Variants in ADGRG7 observed in about 807,000 individuals in gnomAD.
ADGRG7 encodes the protein adhesion G protein-coupled receptor G7.
Under a neutral mutation model 88.6 loss-of-function variants are expected in ADGRG7, and 82 were observed. The observed-to-expected ratio is 0.93, with a 90% confidence interval of 0.77 to 1.11. The LOEUF (loss-of-function observed/expected upper bound fraction) is 1.11. ADGRG7 is among the 50% of genes most tolerant of loss of function. ADGRG7 has a pLI of 0.00. For synonymous variants in ADGRG7, 381 were observed against 345.2 expected (o/e 1.10, Z -1.15); for missense variants, 945 against 953.4 (o/e 0.99, Z 0.12).
In ADGRG7 at chr3:100,643,320, G is replaced by A; in HGVS notation, c.753G>A (p.Val251=). The A allele has an allele frequency of 1.1e-5, 17 of 1,613,930 alleles. No individual in the cohort carries two copies. The highest frequency in any genetic ancestry group is 1.4e-5 in the Non-Finnish European group (16 of 1,179,866). Reference sequence around the variant, plus strand: ...TGTCTTTGGGTAATCAATCAGTGGTGGAACCTAACATAGCAATACAGTCAG... The same window carrying A: ...TGTCTTTGGGTAATCAATCAGTGGTAGAACCTAACATAGCAATACAGTCAG... The part of the protein sequence containing the change: ...YSLSLGNQSV[V]EPNIAIQSAN... Residue 251 remains valine, a synonymous_variant, in exon 7 of 16, where the codon GTG becomes GTA. Transcript: ENST00000273352.
intron 11 of ADGRG7, among the ~76,000 whole-genome samples, chr3:100,650,758 T>C (rs545234339): frequency 1.2e-4 from 18 of 152,314 alleles, no homozygotes; most frequent in Non-Finnish European, 2.5e-4. Flanking sequence ...GGGTGCCACT[T>C]TGAGGCTGCA....
intron 15 of ADGRG7, among the ~76,000 whole-genome samples, chr3:100,676,807 C>T (rs1024274467): frequency 6.6e-6 from 1 of 151,882 alleles, no homozygotes; most frequent in Non-Finnish European, 1.5e-5. Flanking sequence ...TATATATTTA[C>T]AATTGTTATA....
chr3:100,694,981 A>G lies in ADGRG7; in HGVS notation c.2374A>G (p.Asn792Asp), dbSNP rs2094999967. ...GGAAATCACACTCTCTGAAAGTGAC[A>G]ATGCAAAGGAAAGCATCTAGACAGT... Reference protein sequence around the residue: ...TEEITLSESDNAKESI With the variant: ...TEEITLSESDDAKESI Residue 792 changes from asparagine to aspartate, a missense_variant, in exon 16 of 16, where the codon AAT (asparagine) becomes GAT (aspartate). Transcript: ENST00000273352. 6.2e-7 allele frequency: 1 copy of G among 1,614,130 alleles called. No individual in the cohort carries two copies. Among genetic ancestry groups the G allele is most frequent in the Non-Finnish European group, 8.5e-7 (1 of 1,179,976 alleles).
At chr3:100,616,536 A>G (rs1429091840) in intron 1 of ADGRG7, among the ~76,000 whole-genome samples, 4 of 152,214 alleles carry the variant, frequency 2.6e-5, no homozygotes, top group African/African-American at 9.6e-5. Flanking sequence ...TAAGGTGCTG[A>G]GCATGGTGAT....
intron 7 of ADGRG7, 24 bp from the exon 8 acceptor site, chr3:100,643,502 A>G (rs1171197941): frequency 8.1e-6 from 13 of 1,608,808 alleles, no homozygotes; most frequent in East Asian, 2.2e-5. Context: ...GACTTTTACA[A>G]TTCTACTCTT....
chr3:100,646,276 A>G (rs1707743963), intron 9 of ADGRG7, 168 bp downstream of exon 9: 1 of 650,780 alleles, frequency 1.5e-6, no homozygotes, highest in African/African-American at 1.8e-5. Flanking sequence ...CTTGAATAGC[A>G]AAAGCAGGGA....
intron 15 of ADGRG7, among the ~76,000 whole-genome samples, chr3:100,692,952 G>T (rs1245597333): frequency 1.3e-5 from 2 of 152,154 alleles, no homozygotes; most frequent in Admixed American, 1.3e-4. Flanking sequence ...GTTTACACGT[G>T]AAACTTCTAG....
chr3:100,659,093 G>C (rs1156629889), intron 13 of ADGRG7, among the ~76,000 whole-genome samples: 2 of 152,020 alleles, frequency 1.3e-5, no homozygotes, highest in African/African-American at 4.8e-5. Flanking sequence ...GGTACAATGA[G>C]GTTAAATAAC....
chr3:100,630,400 C>T (rs1032512756), intron 2 of ADGRG7, among the ~76,000 whole-genome samples: 1 of 152,172 alleles, frequency 6.6e-6, no homozygotes, highest in African/African-American at 2.4e-5. Context: ...CCACTATAGG[C>T]TCTATATTTT....
At chr3:100,634,895 T>C (rs1373166927) in intron 4 of ADGRG7, among the ~76,000 whole-genome samples, 1 of 152,180 alleles carries the variant, frequency 6.6e-6, no homozygotes, top group Non-Finnish European at 1.5e-5. Context: ...GGGTTATTTG[T>C]TTCTGTCTAC....
chr3:100,639,502 C>T (rs1405631558), intron 6 of ADGRG7, among the ~76,000 whole-genome samples: 2 of 152,192 alleles, frequency 1.3e-5, no homozygotes, highest in Non-Finnish European at 2.9e-5. Context: ...TTTGTGACTT[C>T]AGATTTCAAT....
chr3:100,688,092 T>C (rs1411999656), intron 15 of ADGRG7, among the ~76,000 whole-genome samples: 2 of 152,208 alleles, frequency 1.3e-5, no homozygotes, highest in Admixed American at 6.5e-5. Context: ...AACTTCTTCC[T>C]GGTTTAGTCT....
Position 100,659,847 on chromosome 3 carries a change from A to G in ADGRG7, c.1979+4A>G. The G allele has an allele frequency of 6.2e-7, 1 of 1,613,134 alleles. No individual in the cohort carries two copies. The highest frequency in any genetic ancestry group is 8.5e-7 in the Non-Finnish European group (1 of 1,179,532). ...AGAATAACCAGAACCTGACAAGGTA[A>G]GATTCCCAATGAATGGGAAGCTGCC... On this transcript the variant is annotated splice_donor_region_variant and intron_variant, in intron 14 of 15. Coordinates refer to ENST00000273352, the MANE Select transcript of ADGRG7 (RefSeq NM_032787.3).
intron 1 of ADGRG7, among the ~76,000 whole-genome samples, chr3:100,616,200 A>G (rs1559668457): frequency 6.6e-6 from 1 of 152,144 alleles, no homozygotes; most frequent in Non-Finnish European, 1.5e-5. Flanking sequence ...AAACCCATAA[A>G]AGTCTCATGG....
At chr3:100,674,495 G>A (rs186084541) in intron 15 of ADGRG7, among the ~76,000 whole-genome samples, 20 of 151,832 alleles carry the variant, frequency 1.3e-4, no homozygotes, top group African/African-American at 4.8e-4. Flanking sequence ...TCGTTGTAGA[G>A]ATCTTTCACT....
At chr3:100,645,064 C>T (rs1302197584) in intron 8 of ADGRG7, among the ~76,000 whole-genome samples, 1 of 152,184 alleles carries the variant, frequency 6.6e-6, no homozygotes, top group Non-Finnish European at 1.5e-5. Context: ...TGACTGAATA[C>T]TCTGGTCTCA....
At chr3:100,646,918 G>C (rs1372419576) in intron 10 of ADGRG7, among the ~76,000 whole-genome samples, 194 bp downstream of exon 10, 1 of 152,220 alleles carries the variant, frequency 6.6e-6, no homozygotes, top group African/African-American at 2.4e-5. Flanking sequence ...CCAGAACTTT[G>C]GAAGGCCGAG....
chr3:100,625,184 C>T (rs1707365507), intron 1 of ADGRG7, among the ~76,000 whole-genome samples: 1 of 152,116 alleles, frequency 6.6e-6, no homozygotes, highest in South Asian at 2.1e-4. Flanking sequence ...AATGTTTATC[C>T]ATTTGTTTGT....
chr3:100,643,617 G>A lies in ADGRG7; in HGVS notation c.930G>A (p.Leu310=). Reference sequence around the variant, plus strand: ...ATGCACAGACTGAGCTTCAGGTCTTGCTTAATATGACGAAAAGTAAGTCTC... The same window carrying A: ...ATGCACAGACTGAGCTTCAGGTCTTACTTAATATGACGAAAAGTAAGTCTC... ...NPDAQTELQV[L]LNMTKNYTKT... Residue 310 remains leucine, a synonymous_variant, in exon 8 of 16, where the codon TTG becomes TTA. Coordinates refer to ENST00000273352, the MANE Select transcript of ADGRG7 (RefSeq NM_032787.3). 6.2e-7 allele frequency: 1 copy of A among 1,612,556 alleles called. No individual in the cohort carries two copies. Among genetic ancestry groups the A allele is most frequent in the Non-Finnish European group, 8.5e-7 (1 of 1,179,034 alleles).
Sources: allele counts gnomAD v4.1 joint callset (sites outside exome capture counted in the v4.1 genomes callset), GRCh38; gene constraint gnomAD v4.1.1; transcripts MANE v1.5; gene names NCBI Gene and HGNC (gene_info 2026-07-23, HGNC 2026-07-21).